The following USP45 variants were observed in gnomAD, a reference collection of about 807,000 sequenced individuals.
The protein encoded by USP45 is ubiquitin carboxyl-terminal hydrolase 45.
USP45 carries 89 observed loss-of-function variants against 95.8 expected under a neutral mutation model. That is an observed-to-expected ratio of 0.93 (90% CI 0.78 to 1.11). The LOEUF is 1.11. Ranked by LOEUF, USP45 falls within the 50% of genes least tolerant of loss-of-function variation. The pLI is 0.00. For synonymous variants in USP45, 281 were observed against 316.2 expected, an observed-to-expected ratio of 0.89 and a Z score of 1.18; for missense variants, 898 against 942.5, an observed-to-expected ratio of 0.95 and a Z score of 0.62.
chr6:99,483,701 G>A (rs935366455), intron 7 of USP45, among the ~76,000 whole-genome samples: 9 of 147,296 alleles, frequency 6.1e-5, no homozygotes, highest in South Asian at 4.4e-4. Context: ...AGCCAGGCGC[G>A]GTGGCGGGCG....
chr6:99,455,257 G>C (rs1784795410), intron 13 of USP45, among the ~76,000 whole-genome samples: 1 of 151,746 alleles, frequency 6.6e-6, no homozygotes. Flanking sequence ...CCAGCCTGGG[G>C]AACATGGTGA....
chr6:99,512,953 C>G (rs1040983544), intron 1 of USP45, among the ~76,000 whole-genome samples: 45 of 152,136 alleles, frequency 3.0e-4, no homozygotes, highest in African/African-American at 1.1e-3. Context: ...TCCAGGCTGA[C>G]AAGAGGCTGC....
At chr6:99,513,289 A>G (rs1203849163) in intron 1 of USP45, among the ~76,000 whole-genome samples, 3 of 152,176 alleles carry the variant, frequency 2.0e-5, no homozygotes, top group Admixed American at 6.5e-5. Flanking sequence ...CTTCTGGTCA[A>G]CTTACATACT....
In USP45 at chr6:99,488,616, G is replaced by A. The variant is rs372508583; in HGVS notation, c.618+65C>T. 6.4e-4 allele frequency: 949 copies of A among 1,483,974 alleles called. 20 individuals carry two copies. In the South Asian group the frequency reaches 0.012, roughly 18 times the overall value. 91.9% of individuals were successfully genotyped at this position (1,483,974 alleles called of 1,614,324 possible). A position where few individuals can be genotyped will look rare whatever the true frequency, so the allele number is the denominator to read the frequency against. ...AGCAGTCATTTGACAGTCTACAGGT[G>A]AGCCAATGACTACATAAATTAAGAG... On this transcript the variant is annotated intron_variant, in intron 6 of 17. Coordinates refer to ENST00000500704, the MANE Select transcript of USP45 (RefSeq NM_001346022.3).
chr6:99,488,824 C>A lies in USP45; in HGVS notation c.479-4G>T, dbSNP rs1284176946. 3.2e-6 allele frequency: 5 copies of A among 1,553,772 alleles called. No individual in the cohort carries two copies. Among genetic ancestry groups the A allele is most frequent in the Admixed American group, 2.1e-5 (1 of 48,284 alleles). ...TTCATGATTCTAGAAAATGCACCTACAAGTTAGAGAAAAAATAACTGACAC... is the reference window on the plus strand; with the variant it reads ...TTCATGATTCTAGAAAATGCACCTAAAAGTTAGAGAAAAAATAACTGACAC... On this transcript the variant is annotated splice_region_variant and splice_polypyrimidine_tract_variant and intron_variant, in intron 5 of 17. Coordinates refer to ENST00000500704, the MANE Select transcript of USP45 (RefSeq NM_001346022.3).
intron 13 of USP45, among the ~76,000 whole-genome samples, chr6:99,458,089 C>T (rs1218928664): frequency 2.0e-5 from 3 of 152,140 alleles, no homozygotes; most frequent in South Asian, 2.1e-4. Flanking sequence ...AGCGCAATCT[C>T]GGCTCACTGC....
chr6:99,471,144 C>T (rs1789296408), intron 9 of USP45, among the ~76,000 whole-genome samples: 1 of 152,064 alleles, frequency 6.6e-6, no homozygotes, highest in South Asian at 2.1e-4. Flanking sequence ...TGATCCTAAC[C>T]GTGAATTTAT....
chr6:99,462,955 C>T (rs1786878935), intron 13 of USP45: 1 of 152,034 alleles, frequency 6.6e-6, no homozygotes, highest in Admixed American at 6.6e-5. Flanking sequence ...TCCAGCCTGG[C>T]TGGGCAACAG....
At chr6:99,444,705 C>T (rs564696351) in intron 14 of USP45, among the ~76,000 whole-genome samples, 1 of 152,278 alleles carries the variant, frequency 6.6e-6, no homozygotes, top group South Asian at 2.1e-4. Flanking sequence ...CAATCCTAAG[C>T]CTGCTTAGCC....
At chr6:99,455,089 CA>C (rs56978977) in intron 13 of USP45, among the ~76,000 whole-genome samples, 39,397 of 126,514 alleles carry the variant, frequency 0.31, 5,761 homozygotes, top group East Asian at 0.51. Context: ...CACTCCATCT[CA>C]AAAAAAAAAA....
intron 13 of USP45, among the ~76,000 whole-genome samples, chr6:99,451,393 G>A (rs1332419074): frequency 6.6e-6 from 1 of 151,074 alleles, no homozygotes. Flanking sequence ...ACCAATAATA[G>A]ACAGAGAGCC....
chr6:99,442,000 AAC>A (rs1327500279), intron 15 of USP45, among the ~76,000 whole-genome samples: 2 of 152,224 alleles, frequency 1.3e-5, no homozygotes, highest in African/African-American at 2.4e-5. Flanking sequence ...ATGAACTAGA[AAC>A]ACAGGCATTG....
intron 13 of USP45, chr6:99,461,490 T>C: frequency 1.0e-6 from 1 of 985,428 alleles, no homozygotes; most frequent in African/African-American, 1.7e-5. Context: ...CACACACTAG[T>C]TTTACAGTGC....
rs745881083 is a variant in USP45 at position 99,437,337 on chromosome 6, C to T, written c.2223G>A (p.Ser741=). Residue 741 remains serine (S), a synonymous_variant, in exon 17 of 18, where the codon TCG becomes TCA. Transcript: ENST00000500704. ...AAGCAGTGTAGTGGCCTTCTCTCAT[C>T]GAGCCACTATGTTCCACTATGCCAT... ...GLYGIVEHSG[S]MREGHYTAYV... The T allele has an allele frequency of 3.7e-6, 6 of 1,612,132 alleles. No individual in the cohort carries two copies. Among genetic ancestry groups the T allele is most frequent in the East Asian group, 2.2e-5 (1 of 44,606 alleles).
At chr6:99,517,702 C>T (rs1416976056), upstream of USP45, among the ~76,000 whole-genome samples, 31 of 151,900 alleles carry the variant, frequency 2.0e-4, no homozygotes, top group South Asian at 2.1e-4. Context: ...CTTGGCCTCC[C>T]GAAGTTCTGG....
rs557022151 is a variant in USP45, at chr6:99,461,404, A to G, written c.1308+3200T>C. The G allele has an allele frequency of 3.0e-6, 3 of 985,288 alleles. No homozygotes were observed. The South Asian group carries it at 1.4e-4, about 46-fold the overall frequency. The allele number at this position is 985,288 out of a possible 1,614,324, so 61.0% of individuals were successfully genotyped here. A position where few individuals can be genotyped will look rare whatever the true frequency, so the allele number is the denominator to read the frequency against. ...TTTTTGGTTCAAGAAGGATGTTTAT[A>G]TAGGCCTATGGCTATTTACTCTGTT... On this transcript the variant is annotated intron_variant, in intron 13 of 17. Coordinates refer to ENST00000500704, the MANE Select transcript of USP45 (RefSeq NM_001346022.3).
At chr6:99,439,902 G>A in intron 15 of USP45, 47 bp from the exon 16 acceptor site, 1 of 1,471,720 alleles carries the variant, frequency 6.8e-7, no homozygotes. Flanking sequence ...TAGAAATAAA[G>A]CATTGTCTTT....
chr6:99,433,727 T>C lies in USP45; in HGVS notation c.*1989A>G, dbSNP rs1780048171. 1 of 152,152 alleles carries C rather than the reference T, an allele frequency of 6.6e-6. No homozygotes were observed. 9.4% of individuals were successfully genotyped at this position (152,152 alleles called of 1,614,324 possible). Reference sequence around the variant, plus strand: ...TCAAAAATCTATGTAGATCTTTCCATTTTAAATGATGTTAAAATAGTGTCA... The same window carrying C: ...TCAAAAATCTATGTAGATCTTTCCACTTTAAATGATGTTAAAATAGTGTCA... On this transcript the variant is annotated 3_prime_UTR_variant, in exon 18 of 18. Coordinates refer to ENST00000500704, the MANE Select transcript of USP45 (RefSeq NM_001346022.3).
chr6:99,487,024 T>A (rs1205393330), intron 7 of USP45, among the ~76,000 whole-genome samples: 3 of 152,160 alleles, frequency 2.0e-5, no homozygotes, highest in African/African-American at 7.2e-5. Flanking sequence ...AAGAGAGTGC[T>A]GTAAAGAACC....
Sources: gnomAD v4.1 joint callset for allele counts (sites outside exome capture counted in the v4.1 genomes callset) on GRCh38, gnomAD v4.1.1 for gene constraint, MANE v1.5 for transcripts, NCBI Gene and HGNC (gene_info 2026-07-23, HGNC 2026-07-21) for gene names.